AXDND1: variants seen among roughly 807,000 people sequenced by gnomAD.
The protein encoded by AXDND1 is axonemal dynein light chain domain containing 1.
A neutral mutation model predicts 137.5 loss-of-function variants in AXDND1; 110 were observed. That is an observed-to-expected ratio of 0.80 (90% CI 0.69 to 0.94). The LOEUF is 0.94. Ranked by LOEUF, AXDND1 falls within the 40% of genes least tolerant of loss-of-function variation. The probability of loss-of-function intolerance (pLI) is 0.00; values close to 1 mark genes in which losing one functional copy is unlikely to be tolerated. For synonymous variants in AXDND1, 414 were observed against 399.7 expected (o/e 1.04, Z -0.43); for missense variants, 1,191 against 1,169.8 (o/e 1.02, Z -0.26).
Position 179,423,717 on chromosome 1 carries a change from GA to G in AXDND1, c.1231-5794del, listed in dbSNP as rs573116592. Among the ~76,000 whole-genome samples, 11 of 152,032 alleles carry G rather than the reference GA, an allele frequency of 7.2e-5. 1 individual carries two copies. The South Asian group carries it at 1.9e-3, about 26-fold the overall frequency. ...AAAAGAAAAGAAGCAAATAAAAAATGAAAAAAATACGCTTTAACTCTATTCT... is the reference window on the plus strand; with the variant it reads ...AAAAGAAAAGAAGCAAATAAAAAATGAAAAAATACGCTTTAACTCTATTCT... On this transcript the variant is annotated intron_variant, in intron 12 of 25. Coordinates refer to ENST00000367618, the MANE Select transcript of AXDND1 (RefSeq NM_144696.6).
chr1:179,526,761 A>G (rs1277732896), intron 22 of AXDND1, among the ~76,000 whole-genome samples: 1 of 152,354 alleles, frequency 6.6e-6, no homozygotes, highest in South Asian at 2.1e-4. Context: ...TAGAAGGCAC[A>G]GAATAAATGG....
chr1:179,539,328 C>T (rs1026685264), intron 25 of AXDND1, among the ~76,000 whole-genome samples: 11 of 152,062 alleles, frequency 7.2e-5, no homozygotes, highest in African/African-American at 9.7e-5. Flanking sequence ...TGACTGGTAC[C>T]GATTGTTTCT....
At chr1:179,432,615 A>G (rs141653319) in intron 15 of AXDND1, among the ~76,000 whole-genome samples, 1,592 of 152,244 alleles carry the variant, frequency 0.01, 34 homozygotes, top group African/African-American at 0.035. Flanking sequence ...TAGTAGATAC[A>G]AGGTTTCACC....
At chr1:179,551,210 G>A (rs1264742254) in intron 25 of AXDND1, 3 of 1,614,104 alleles carry the variant, frequency 1.9e-6, no homozygotes, top group Middle Eastern at 1.6e-4. Context: ...AGGATTTAGT[G>A]GCTCAACAGG....
chr1:179,474,050 C>T (rs529740730), intron 17 of AXDND1, among the ~76,000 whole-genome samples: 1 of 151,912 alleles, frequency 6.6e-6, no homozygotes, highest in East Asian at 1.9e-4. Context: ...ATGGTGAAAC[C>T]CCCGTCTCTA....
chr1:179,525,808 T>TATAC (rs149749029), intron 22 of AXDND1, among the ~76,000 whole-genome samples: 15 of 151,484 alleles, frequency 9.9e-5, no homozygotes, highest in East Asian at 9.8e-4. Flanking sequence ...TATATATATA[T>TATAC]ACACAGACAT....
In AXDND1 at chr1:179,369,959, A is replaced by G. The variant is rs1044340011; in HGVS notation, c.271-16A>G. ...CGCCCTCTGCTGGATATTCATGTGT[A>G]TTTGCTTTTTCCCAGGGCACTCTTC... On this transcript the variant is annotated splice_polypyrimidine_tract_variant and intron_variant, in intron 3 of 25. Transcript: ENST00000367618. 17 of 1,582,104 alleles carry G rather than the reference A, an allele frequency of 1.1e-5. No individual in the cohort carries two copies. The highest frequency in any genetic ancestry group is 1.5e-5 in the Non-Finnish European group (17 of 1,151,664).
At chr1:179,419,449 C>CA (rs1461696454) in intron 12 of AXDND1, among the ~76,000 whole-genome samples, 1 of 148,586 alleles carries the variant, frequency 6.7e-6, no homozygotes, top group Non-Finnish European at 1.5e-5. Flanking sequence ...CCGTCTCCAC[C>CA]AAAAAAATAC....
At chr1:179,513,910 T>C (rs1669279395) in intron 21 of AXDND1, among the ~76,000 whole-genome samples, 1 of 152,162 alleles carries the variant, frequency 6.6e-6, no homozygotes, top group African/African-American at 2.4e-5. Context: ...AGTTGTAATA[T>C]GTCCAGTTTT....
intron 17 of AXDND1, among the ~76,000 whole-genome samples, chr1:179,469,920 C>A (rs1663708495): frequency 6.6e-6 from 1 of 152,104 alleles, no homozygotes. Context: ...TGAAAATTTA[C>A]CCCTATGTTT....
chr1:179,421,236 G>A (rs77017223), intron 12 of AXDND1, among the ~76,000 whole-genome samples: 2,673 of 151,810 alleles, frequency 0.018, 64 homozygotes, highest in African/African-American at 0.059. Context: ...AGTAAATTTC[G>A]AAGTCAGGTA....
intron 25 of AXDND1, chr1:179,552,719 C>T: frequency 2.0e-6 from 3 of 1,534,626 alleles, no homozygotes; most frequent in Non-Finnish European, 2.7e-6. Context: ...GGTGTGCAGC[C>T]ATGATTTAGG....
chr1:179,522,999 T>C (rs1670209405), intron 21 of AXDND1, among the ~76,000 whole-genome samples: 2 of 151,674 alleles, frequency 1.3e-5, no homozygotes, highest in South Asian at 4.2e-4. Context: ...TAAATATTGC[T>C]GCTGTAAACA....
chr1:179,436,521 T>C (rs2125332017), intron 15 of AXDND1, among the ~76,000 whole-genome samples: 1 of 152,246 alleles, frequency 6.6e-6, no homozygotes, highest in African/African-American at 2.4e-5. Flanking sequence ...TAGAAAGGAA[T>C]GAGATCATGT....
intron 18 of AXDND1, among the ~76,000 whole-genome samples, chr1:179,486,373 G>T (rs754434050): frequency 2.6e-5 from 4 of 152,116 alleles, no homozygotes; most frequent in Non-Finnish European, 2.9e-5. Context: ...CTGAAAGAGA[G>T]AGAGTGAAAC....
chr1:179,494,488 G>A (rs980375145), intron 20 of AXDND1, among the ~76,000 whole-genome samples: 1 of 149,736 alleles, frequency 6.7e-6, no homozygotes, highest in Non-Finnish European at 1.5e-5. Flanking sequence ...TCGATACCAA[G>A]TCTTTTATCA....
At chr1:179,368,713 A>G in intron 2 of AXDND1, 87 bp from the exon 3 acceptor site, 1 of 1,057,392 alleles carries the variant, frequency 9.5e-7, no homozygotes, top group South Asian at 1.7e-5. Flanking sequence ...TGTTAGAAAC[A>G]GATGGGATTG....
chr1:179,471,199 A>T (rs1418094860), intron 17 of AXDND1, among the ~76,000 whole-genome samples: 1 of 152,124 alleles, frequency 6.6e-6, no homozygotes, highest in Non-Finnish European at 1.5e-5. Context: ...TTTTCCTGTG[A>T]TGTCTTCGCC....
intron 11 of AXDND1, among the ~76,000 whole-genome samples, chr1:179,400,609 A>T (rs1163714595): frequency 6.6e-6 from 1 of 151,374 alleles, no homozygotes; most frequent in Non-Finnish European, 1.5e-5. Flanking sequence ...ATAAAAAAAA[A>T]AAAAGAGAAG....
Sources: allele counts gnomAD v4.1 joint callset (sites outside exome capture counted in the v4.1 genomes callset), GRCh38; gene constraint gnomAD v4.1.1; transcripts MANE v1.5; gene names NCBI Gene and HGNC (gene_info 2026-07-23, HGNC 2026-07-21).